The following CYP39A1 variants were observed in gnomAD, a reference collection of about 807,000 sequenced individuals.
CYP39A1 encodes cytochrome P450 family 39 subfamily A member 1.
Under a neutral mutation model 58.1 loss-of-function variants are expected in CYP39A1, and 49 were observed. The ratio of observed to expected loss-of-function variants is 0.84; its 90% CI spans 0.67 to 1.07. CYP39A1 has a LOEUF of 1.07. Ranked by LOEUF, CYP39A1 falls within the 50% of genes least tolerant of loss-of-function variation. CYP39A1 has a pLI of 0.00. For missense variants in CYP39A1, 531 were observed against 539.4 expected (o/e 0.98, Z 0.16); for synonymous variants, 209 against 187.6 (o/e 1.11, Z -0.93).
chr6:46,638,098 C>G, intron 3 of CYP39A1, 120 bp from the exon 4 acceptor site: 1 of 1,004,238 alleles, frequency 1.0e-6, no homozygotes, highest in Non-Finnish European at 1.4e-6. Context: ...GTGACAGATT[C>G]TCTTGGGAAA....
At chr6:46,605,167 C>T (rs182643003) in intron 7 of CYP39A1, among the ~76,000 whole-genome samples, 10 of 152,046 alleles carry the variant, frequency 6.6e-5, no homozygotes, top group African/African-American at 2.4e-4. Flanking sequence ...AAAAAGAAAG[C>T]AAGAAAACCA....
Position 46,620,375 on chromosome 6 carries a change from G to A in CYP39A1, c.931+5043C>T, listed in dbSNP as rs141566557. On this transcript the variant is annotated intron_variant, in intron 7 of 11. Coordinates refer to ENST00000275016, the MANE Select transcript of CYP39A1 (RefSeq NM_016593.5). Reference sequence around the variant, plus strand: ...AGACTGTCTTTATTTGACATGACTTGGAGCTCACTCAGTATGAAAAGCCTT... The same window carrying A: ...AGACTGTCTTTATTTGACATGACTTAGAGCTCACTCAGTATGAAAAGCCTT... Among the ~76,000 whole-genome samples the A allele has an allele frequency of 2.1e-3, 318 of 152,262 alleles. 2 individuals carry two copies. The highest frequency in any genetic ancestry group is 3.9e-3 in the Admixed American group (60 of 15,282).
In CYP39A1 at chr6:46,555,040, C is replaced by T. The variant is rs552390187; in HGVS notation, c.1251-1186G>A. ...TCACTATCTCCTCATTACACACACA[C>T]GCAGACACAGACACACACACACACA... is the stretch of plus-strand genomic sequence containing the variant. On this transcript the variant is annotated intron_variant, in intron 10 of 11. Coordinates refer to ENST00000275016, the MANE Select transcript of CYP39A1 (RefSeq NM_016593.5). 3.1e-4 allele frequency among the ~76,000 whole-genome samples: 43 copies of T among 137,960 alleles called. No homozygotes were observed. The East Asian group carries it at 3.2e-3, about 10-fold the overall frequency. 90.5% of individuals were successfully genotyped at this position (137,960 alleles called of 152,430 possible). A position where few individuals can be genotyped will look rare whatever the true frequency, so the allele number is the denominator to read the frequency against.
intron 10 of CYP39A1, among the ~76,000 whole-genome samples, chr6:46,556,686 G>A (rs376265684): frequency 1.3e-3 from 199 of 152,212 alleles, no homozygotes; most frequent in African/African-American, 4.6e-3. Context: ...ATTAAATGGC[G>A]CTCTGGATTT....
chr6:46,630,993 C>T lies in CYP39A1; in HGVS notation c.810G>A (p.Leu270=). ...KENSPNYGLL[L]LWASLSNAVP... ...CAGCATTAGACAGAGAAGCCCAAAGCAGTAAGAGCCCATAATTGGGTGAGT... is the reference window on the plus strand; with the variant it reads ...CAGCATTAGACAGAGAAGCCCAAAGTAGTAAGAGCCCATAATTGGGTGAGT... Residue 270 remains leucine (L), a synonymous_variant, in exon 6 of 12, where the codon CTG becomes CTA. Coordinates refer to ENST00000275016, the MANE Select transcript of CYP39A1 (RefSeq NM_016593.5). 6.2e-7 allele frequency: 1 copy of T among 1,613,990 alleles called. No homozygotes were observed. Among genetic ancestry groups the T allele is most frequent in the Non-Finnish European group, 8.5e-7 (1 of 1,179,952 alleles).
rs370001017 is a variant in CYP39A1 at position 46,559,316 on chromosome 6, G to A, written c.1251-5462C>T. Among the ~76,000 whole-genome samples the A allele has an allele frequency of 2.6e-5, 4 of 152,118 alleles. No individual in the cohort carries two copies. The South Asian group carries it at 8.3e-4, about 32-fold the overall frequency. On this transcript the variant is annotated intron_variant, in intron 10 of 11. Transcript: ENST00000275016. The stretch of plus-strand genomic sequence containing the variant: ...CTCAGAGGAGGGATGAGACTAAAAG[G>A]AGGGCAGCTGCTCTGTGACTATTTT...
At chr6:46,553,458 G>A (rs1028620680) in intron 11 of CYP39A1, among the ~76,000 whole-genome samples, 1 of 152,286 alleles carries the variant, frequency 6.6e-6, no homozygotes, top group South Asian at 2.1e-4. Context: ...AGGGCAAAGT[G>A]GGCGCCATGT....
intron 11 of CYP39A1, among the ~76,000 whole-genome samples, chr6:46,552,935 T>C (rs573246962): frequency 6.6e-6 from 1 of 151,764 alleles, no homozygotes; most frequent in Non-Finnish European, 1.5e-5. Flanking sequence ...GCAGGCCCAG[T>C]TACCAGGGAG....
At position 46,618,745 on chromosome 6, in the gene CYP39A1, A is replaced by T. The variant is rs1317758115; in HGVS notation, c.931+6673T>A. On this transcript the variant is annotated intron_variant, in intron 7 of 11. Coordinates refer to ENST00000275016, the MANE Select transcript of CYP39A1 (RefSeq NM_016593.5). Reference sequence around the variant, plus strand: ...TTTGTGTGGGTGTGTAAATTTTTTTAAAATAATATTTCTTAAATGTATAAC... The same window carrying T: ...TTTGTGTGGGTGTGTAAATTTTTTTTAAATAATATTTCTTAAATGTATAAC... Among the ~76,000 whole-genome samples, 9 of 151,954 alleles carry T rather than the reference A, an allele frequency of 5.9e-5. No individual in the cohort carries two copies. The South Asian group carries it at 6.2e-4, about 11-fold the overall frequency.
At chr6:46,551,674 A>C (rs1770402678) in intron 11 of CYP39A1, among the ~76,000 whole-genome samples, 2 of 152,228 alleles carry the variant, frequency 1.3e-5, no homozygotes, top group East Asian at 1.9e-4. Context: ...TTTTTCTACT[A>C]TGTTAAGTAA....
chr6:46,608,232 A>G (rs185127593), intron 7 of CYP39A1, among the ~76,000 whole-genome samples: 1 of 152,350 alleles, frequency 6.6e-6, no homozygotes, highest in East Asian at 1.9e-4. Context: ...TATGACTTCT[A>G]TGCAAAAATA....
At chr6:46,650,306 G>C (rs1418689256) in intron 1 of CYP39A1, among the ~76,000 whole-genome samples, 2 of 151,698 alleles carry the variant, frequency 1.3e-5, no homozygotes, top group African/African-American at 2.4e-5. Context: ...GGGTAGGCTG[G>C]TGTGAGCCTT....
chr6:46,613,708 T>G (rs1038125944), intron 7 of CYP39A1, among the ~76,000 whole-genome samples: 7 of 151,218 alleles, frequency 4.6e-5, no homozygotes, highest in East Asian at 1.9e-4. Flanking sequence ...TTGTTTGTTT[T>G]TTTTTTTAGG....
intron 8 of CYP39A1, among the ~76,000 whole-genome samples, chr6:46,590,340 G>A (rs1245241102): frequency 6.6e-6 from 1 of 152,042 alleles, no homozygotes; most frequent in Non-Finnish European, 1.5e-5. Context: ...ATCTAGAAGT[G>A]GGGCTTTCTT....
intron 10 of CYP39A1, among the ~76,000 whole-genome samples, chr6:46,559,320 G>T (rs1462037688): frequency 2.6e-5 from 4 of 152,142 alleles, no homozygotes; most frequent in Admixed American, 6.6e-5. Context: ...TAAAAGGAGG[G>T]CAGCTGCTCT....
At chr6:46,646,192 T>C (rs1233319314) in intron 1 of CYP39A1, among the ~76,000 whole-genome samples, 2 of 152,076 alleles carry the variant, frequency 1.3e-5, no homozygotes, top group Admixed American at 6.5e-5. Context: ...CTTTGCTTTG[T>C]TCCCAATCAC....
intron 1 of CYP39A1, among the ~76,000 whole-genome samples, chr6:46,642,969 C>T (rs1776435232): frequency 6.6e-6 from 1 of 152,088 alleles, no homozygotes; most frequent in Non-Finnish European, 1.5e-5. Flanking sequence ...AGGTTCCTGC[C>T]CTTGTGAAAT....
intron 10 of CYP39A1, chr6:46,583,255 A>G: frequency 1.0e-6 from 1 of 985,370 alleles, no homozygotes; most frequent in Non-Finnish European, 1.2e-6. Flanking sequence ...GTTGTTTTAC[A>G]CTGGAGTTTA....
rs1161144493 is a variant in CYP39A1 at position 46,564,108 on chromosome 6, TTATTTTATTC to T, written c.1251-10264_1251-10255del. On this transcript the variant is annotated intron_variant, in intron 10 of 11. Transcript: ENST00000275016. ...GTTTGTTTTTTATTTTGTATTTTTT[TTATTTTATTC>T]TATTTTATTCTATTTTATTCTATTC... Among the ~76,000 whole-genome samples, 314 of 138,448 alleles carry T rather than the reference TTATTTTATTC, an allele frequency of 2.3e-3. 11 individuals are homozygous for T. The highest frequency in any genetic ancestry group is 0.021 in the Middle Eastern group (6 of 282). 90.8% of individuals were successfully genotyped at this position (138,448 alleles called of 152,430 possible).
Sources: allele counts gnomAD v4.1 joint callset (sites outside exome capture counted in the v4.1 genomes callset), GRCh38; gene constraint gnomAD v4.1.1; transcripts MANE v1.5; gene names NCBI Gene and HGNC (gene_info 2026-07-23, HGNC 2026-07-21).